The following MAGI2 variants were observed in gnomAD, a reference collection of about 807,000 sequenced individuals.
The protein encoded by MAGI2 is membrane associated guanylate kinase, WW and PDZ domain containing 2.
A neutral mutation model predicts 133.3 loss-of-function variants in MAGI2; 35 were observed. That is an observed-to-expected ratio of 0.26 (90% CI 0.20 to 0.35). The LOEUF (loss-of-function observed/expected upper bound fraction) is 0.35. Ranked by LOEUF, MAGI2 falls within the 10% of genes least tolerant of loss-of-function variation. MAGI2 has a pLI of 1.00. For missense variants in MAGI2, 1,636 were observed against 1,863.4 expected (o/e 0.88, Z 2.25); for synonymous variants, 729 against 710.6 (o/e 1.03, Z -0.41).
intron 7 of MAGI2, among the ~76,000 whole-genome samples, chr7:78,354,109 T>C (rs1791815379): frequency 6.6e-6 from 1 of 152,166 alleles, no homozygotes. Context: ...ACCTTCAGTG[T>C]CCTAGGTATT....
At chr7:78,293,636 G>A (rs777931912) in intron 9 of MAGI2, among the ~76,000 whole-genome samples, 47 of 152,236 alleles carry the variant, frequency 3.1e-4, no homozygotes, top group Middle Eastern at 3.4e-3. Context: ...ACATGCCCAC[G>A]TGTGTTTATT....
intron 2 of MAGI2, among the ~76,000 whole-genome samples, chr7:78,718,213 G>A (rs1819907997): frequency 2.6e-5 from 4 of 152,178 alleles, no homozygotes; most frequent in Admixed American, 1.3e-4. Flanking sequence ...ATCAACTATA[G>A]AGTGGCAGGA....
intron 13 of MAGI2, among the ~76,000 whole-genome samples, chr7:78,182,199 G>A (rs865832667): frequency 1.3e-5 from 2 of 152,174 alleles, no homozygotes; most frequent in Middle Eastern, 6.8e-3. Flanking sequence ...AAGAGATCTA[G>A]GAAAGTTAGC....
chr7:79,251,894 T>C (rs540159269), intron 1 of MAGI2, among the ~76,000 whole-genome samples: 2 of 152,140 alleles, frequency 1.3e-5, no homozygotes, highest in South Asian at 2.1e-4. Flanking sequence ...TGGTGGCTTA[T>C]GCCTGTAATC....
intron 6 of MAGI2, among the ~76,000 whole-genome samples, chr7:78,435,191 G>T (rs533983885): frequency 1.6e-4 from 24 of 152,266 alleles, no homozygotes; most frequent in Admixed American, 7.2e-4. Flanking sequence ...TAAAAAGAGA[G>T]AATGTGTTAA....
intron 2 of MAGI2, among the ~76,000 whole-genome samples, chr7:78,709,508 G>A (rs74893881): frequency 0.019 from 2,935 of 152,188 alleles, 92 homozygotes; most frequent in African/African-American, 0.065. Flanking sequence ...GTGTTTCACC[G>A]TTAGAGCATT....
intron 2 of MAGI2, among the ~76,000 whole-genome samples, chr7:78,827,838 T>C (rs973792134): frequency 2.0e-5 from 3 of 152,148 alleles, no homozygotes; most frequent in Non-Finnish European, 2.9e-5. Flanking sequence ...AAATAAATTA[T>C]GTTGGTATAT....
intron 2 of MAGI2, among the ~76,000 whole-genome samples, chr7:78,896,572 A>T (rs932844448): frequency 6.7e-6 from 1 of 149,370 alleles, no homozygotes. Flanking sequence ...ATTAAAAATT[A>T]TATGTATATA....
chr7:79,188,461 C>G (rs1467025728), intron 1 of MAGI2, among the ~76,000 whole-genome samples: 13 of 151,772 alleles, frequency 8.6e-5, no homozygotes, highest in Admixed American at 7.9e-4. Flanking sequence ...TGATCTCATT[C>G]CTTTTTATGG....
chr7:79,194,234 T>C (rs946418503), intron 1 of MAGI2, among the ~76,000 whole-genome samples: 2 of 152,042 alleles, frequency 1.3e-5, no homozygotes, highest in Non-Finnish European at 2.9e-5. Context: ...AAAGGTATTA[T>C]CCTTCCATCC....
chr7:78,089,091 C>A (rs956304739), intron 20 of MAGI2, among the ~76,000 whole-genome samples: 1 of 152,214 alleles, frequency 6.6e-6, no homozygotes, highest in Non-Finnish European at 1.5e-5. Flanking sequence ...CAAATGGAAC[C>A]AGCCCTGCTG....
intron 3 of MAGI2, among the ~76,000 whole-genome samples, chr7:78,614,107 C>T (rs1222541401): frequency 1.3e-5 from 1 of 77,628 alleles, no homozygotes; most frequent in African/African-American, 4.2e-5. Context: ...GAGACTTCAT[C>T]TAAAAAAAAA....
At chr7:78,584,242 A>G (rs150896206) in intron 3 of MAGI2, among the ~76,000 whole-genome samples, 2,065 of 152,188 alleles carry the variant, frequency 0.014, 17 homozygotes, top group Non-Finnish European at 0.022. Flanking sequence ...CAATACGGTG[A>G]AACCCTGTCT....
chr7:78,714,089 A>AG (rs10650296), intron 2 of MAGI2, among the ~76,000 whole-genome samples: 13 of 129,508 alleles, frequency 1.0e-4, no homozygotes, highest in Middle Eastern at 4.2e-3. Flanking sequence ...TGAAAGAAAG[A>AG]GGGGGGAAGA....
chr7:78,543,761 G>A (rs1191203770), intron 3 of MAGI2, among the ~76,000 whole-genome samples: 10 of 152,090 alleles, frequency 6.6e-5, no homozygotes, highest in Admixed American at 4.6e-4. Context: ...TCTTGTGCTC[G>A]GAAAAGAAAT....
chr7:78,621,476 A>G (rs1458203673), intron 3 of MAGI2, among the ~76,000 whole-genome samples: 1 of 152,008 alleles, frequency 6.6e-6, no homozygotes, highest in Non-Finnish European at 1.5e-5. Flanking sequence ...CGAGTCATGG[A>G]AAAGAGTCCC....
chr7:79,056,342 G>C (rs1426207626), intron 1 of MAGI2, among the ~76,000 whole-genome samples: 1 of 152,126 alleles, frequency 6.6e-6, no homozygotes, highest in Non-Finnish European at 1.5e-5. Context: ...TTCCAGCCTG[G>C]TAGATTTTTT....
At chr7:78,396,973 A>G (rs1796403786) in intron 6 of MAGI2, among the ~76,000 whole-genome samples, 1 of 152,138 alleles carries the variant, frequency 6.6e-6, no homozygotes, top group Non-Finnish European at 1.5e-5. Flanking sequence ...TTTAGGTACA[A>G]TTAATTTCAA....
At chr7:78,573,264 A>ATATATATT (rs1491307916) in intron 3 of MAGI2, among the ~76,000 whole-genome samples, 225 of 21,770 alleles carry the variant, frequency 0.01, 5 homozygotes, top group South Asian at 0.019. Flanking sequence ...ATAAATATAA[A>ATATATATT]TATATATAAA....
Sources: allele counts gnomAD v4.1 joint callset (sites outside exome capture counted in the v4.1 genomes callset), GRCh38; gene constraint gnomAD v4.1.1; transcripts MANE v1.5; gene names NCBI Gene and HGNC (gene_info 2026-07-23, HGNC 2026-07-21).